SMYD3: variants seen among roughly 807,000 people sequenced by gnomAD.
SMYD3 encodes histone-lysine N-methyltransferase SMYD3.
A neutral mutation model predicts 57.7 loss-of-function variants in SMYD3; 36 were observed. The ratio of observed to expected loss-of-function variants is 0.62; its 90% CI spans 0.48 to 0.82. The LOEUF is 0.82. Among genes scored for constraint, SMYD3 ranks in the 40% least tolerant of loss-of-function variants. The pLI, the probability that SMYD3 is intolerant of heterozygous loss-of-function variation, is 0.00. For missense variants in SMYD3, 515 were observed against 538.8 expected (o/e 0.96, Z 0.44); for synonymous variants, 211 against 195.0 (o/e 1.08, Z -0.68).
chr1:245,891,640 T>C (rs9287196), intron 8 of SMYD3, among the ~76,000 whole-genome samples: 151,965 of 152,352 alleles, frequency 1, 75,794 homozygotes, highest in Middle Eastern at 1. Flanking sequence ...CGAGTAGTGA[T>C]GAAGGACAGT....
intron 5 of SMYD3, among the ~76,000 whole-genome samples, chr1:245,956,817 G>A (rs2057859115): frequency 6.6e-6 from 1 of 152,188 alleles, no homozygotes; most frequent in African/African-American, 2.4e-5. Flanking sequence ...TTCTGTTGGA[G>A]CAATGATTTG....
At chr1:246,437,142 A>G (rs1343209263) in intron 1 of SMYD3, among the ~76,000 whole-genome samples, 1 of 151,962 alleles carries the variant, frequency 6.6e-6, no homozygotes, top group Non-Finnish European at 1.5e-5. Flanking sequence ...CGGGTGATCC[A>G]CTCACCTCAG....
chr1:246,254,455 G>A (rs1232636806), intron 5 of SMYD3, among the ~76,000 whole-genome samples: 1 of 152,072 alleles, frequency 6.6e-6, no homozygotes, highest in Admixed American at 6.5e-5. Context: ...TAGGTGTATG[G>A]CTTTATTTTG....
In SMYD3 at chr1:245,749,426, G is replaced by A; in HGVS notation, c.*137C>T. The stretch of plus-strand genomic sequence containing the variant: ...TTCTTGTGGTTTGCAAACCATGTCT[G>A]CCTTTATTTACCTACACAAACACGG... On this transcript the variant is annotated 3_prime_UTR_variant, in exon 12 of 12. Coordinates refer to ENST00000490107, the MANE Select transcript of SMYD3 (RefSeq NM_001167740.2). 1.6e-6 allele frequency: 1 copy of A among 609,720 alleles called. No homozygotes were observed. The highest frequency in any genetic ancestry group is 2.9e-6 in the Non-Finnish European group (1 of 349,698). 37.8% of individuals were successfully genotyped at this position (609,720 alleles called of 1,614,324 possible).
chr1:246,408,437 G>A (rs1020128403), intron 1 of SMYD3, among the ~76,000 whole-genome samples: 10 of 152,030 alleles, frequency 6.6e-5, no homozygotes, highest in Non-Finnish European at 1.5e-4. Flanking sequence ...CCTCTGCTCG[G>A]CATCTCTGGG....
chr1:246,264,317 T>A (rs1313418761), intron 5 of SMYD3, among the ~76,000 whole-genome samples: 1 of 152,182 alleles, frequency 6.6e-6, no homozygotes, highest in Non-Finnish European at 1.5e-5. Context: ...GAACAAAGCA[T>A]AAGCCACAGC....
chr1:245,929,448 C>G (rs1558505085), intron 6 of SMYD3, among the ~76,000 whole-genome samples: 1 of 152,176 alleles, frequency 6.6e-6, no homozygotes, highest in East Asian at 1.9e-4. Context: ...TTTCTTGCCT[C>G]CTTGAGTGAA....
At chr1:246,402,783 C>T (rs75949547) in intron 1 of SMYD3, among the ~76,000 whole-genome samples, 9,933 of 152,214 alleles carry the variant, frequency 0.065, 631 homozygotes, top group East Asian at 0.32. Context: ...CCACCTGCAA[C>T]GAGCAATGCC....
chr1:246,346,434 T>C (rs1378741461), intron 2 of SMYD3, among the ~76,000 whole-genome samples: 1 of 151,764 alleles, frequency 6.6e-6, no homozygotes, highest in East Asian at 1.9e-4. Context: ...TATTAGTACA[T>C]TCTTATGCTG....
At chr1:245,840,005 G>C (rs1482084325) in intron 10 of SMYD3, among the ~76,000 whole-genome samples, 1 of 152,136 alleles carries the variant, frequency 6.6e-6, no homozygotes, top group Non-Finnish European at 1.5e-5. Context: ...TTGATTAAAT[G>C]TCTGCACAAT....
intron 5 of SMYD3, among the ~76,000 whole-genome samples, chr1:245,965,409 T>C (rs2058115128): frequency 6.6e-6 from 1 of 152,186 alleles, no homozygotes; most frequent in Non-Finnish European, 1.5e-5. Context: ...GAAGTATAAT[T>C]AATATGCTAA....
chr1:246,481,629 TACATACAC>T (rs2068107600), intron 1 of SMYD3, among the ~76,000 whole-genome samples: 1 of 104,414 alleles, frequency 9.6e-6, no homozygotes, highest in Admixed American at 9.8e-5. Flanking sequence ...TATACATACA[TACATACAC>T]ATATTCATAT....
intron 5 of SMYD3, among the ~76,000 whole-genome samples, chr1:245,998,606 G>C (rs2058976721): frequency 6.6e-6 from 1 of 152,090 alleles, no homozygotes; most frequent in South Asian, 2.1e-4. Flanking sequence ...AAGCAGTCTG[G>C]ATGCTCCTGA....
At chr1:246,419,540 T>G (rs951249062) in intron 1 of SMYD3, among the ~76,000 whole-genome samples, 1 of 152,180 alleles carries the variant, frequency 6.6e-6, no homozygotes, top group Non-Finnish European at 1.5e-5. Flanking sequence ...GCAGAAGTGC[T>G]TGTCCTCACC....
intron 10 of SMYD3, among the ~76,000 whole-genome samples, chr1:245,842,204 A>G (rs2050437566): frequency 6.6e-6 from 1 of 152,240 alleles, no homozygotes; most frequent in Admixed American, 6.5e-5. Flanking sequence ...ACAATGCATG[A>G]CTATATTCAG....
rs1048445070 is a variant in SMYD3, at chr1:245,952,067, G to GA, written c.532-22131dup. ...TTTAGATTAGAATTTGCCGTTTCTG[G>GA]AAAAAAAATGTTATCAATGACAGGA... On this transcript the variant is annotated intron_variant, in intron 5 of 11. Coordinates refer to ENST00000490107, the MANE Select transcript of SMYD3 (RefSeq NM_001167740.2). Among the ~76,000 whole-genome samples the GA allele has an allele frequency of 2.6e-5, 4 of 151,642 alleles. No homozygotes were observed. The East Asian group carries it at 5.8e-4, about 22-fold the overall frequency.
At chr1:246,280,095 A>G (rs1028190389) in intron 5 of SMYD3, among the ~76,000 whole-genome samples, 3 of 152,236 alleles carry the variant, frequency 2.0e-5, no homozygotes, top group African/African-American at 7.2e-5. Flanking sequence ...CACGAAGATA[A>G]CAAAGGAATA....
chr1:245,944,730 A>G (rs1455759862), intron 5 of SMYD3, among the ~76,000 whole-genome samples: 1 of 152,206 alleles, frequency 6.6e-6, no homozygotes, highest in Non-Finnish European at 1.5e-5. Context: ...ATGCTACCAA[A>G]CTTAAAACTA....
intron 5 of SMYD3, among the ~76,000 whole-genome samples, chr1:246,140,529 T>C (rs1263666801): frequency 6.6e-6 from 1 of 152,230 alleles, no homozygotes; most frequent in African/African-American, 2.4e-5. Context: ...AACTGCTCCG[T>C]GGTGGATTAT....
Sources: gnomAD v4.1 joint callset for allele counts (sites outside exome capture counted in the v4.1 genomes callset) on GRCh38, gnomAD v4.1.1 for gene constraint, MANE v1.5 for transcripts, NCBI Gene and HGNC (gene_info 2026-07-23, HGNC 2026-07-21) for gene names.